AUTS2: variants seen among roughly 807,000 people sequenced by gnomAD.
AUTS2 encodes the protein autism susceptibility gene 2 protein.
In AUTS2, 17 loss-of-function variants were observed where a neutral mutation model predicts 112.4. That is an observed-to-expected ratio of 0.15 (90% CI 0.10 to 0.23). The LOEUF (loss-of-function observed/expected upper bound fraction) is 0.23, where lower values mean the gene tolerates loss of function less well. AUTS2 is among the 10% of genes least tolerant of loss of function. The pLI, the probability that AUTS2 is intolerant of heterozygous loss-of-function variation, is 1.00. For synonymous variants in AUTS2, 751 were observed against 702.7 expected, an observed-to-expected ratio of 1.07 and a Z score of -1.09; for missense variants, 1,510 against 1,701.6, an observed-to-expected ratio of 0.89 and a Z score of 1.98.
chr7:70,563,616 C>T (rs1199489997), intron 5 of AUTS2, among the ~76,000 whole-genome samples: 5 of 152,100 alleles, frequency 3.3e-5, no homozygotes, highest in South Asian at 4.2e-4. Flanking sequence ...CCTCACTTCC[C>T]GGAGATGGCG....
intron 4 of AUTS2, among the ~76,000 whole-genome samples, chr7:70,301,157 C>G (rs7792775): frequency 2.0e-5 from 3 of 151,886 alleles, no homozygotes. Context: ...ATTTTATTTG[C>G]GTGCATAGTG....
intron 6 of AUTS2, among the ~76,000 whole-genome samples, chr7:70,743,023 C>G (rs886910290): frequency 2.0e-5 from 3 of 152,088 alleles, no homozygotes; most frequent in Non-Finnish European, 4.4e-5. Context: ...TGTTGCCTTG[C>G]AAAATTGTAT....
At chr7:70,507,947 A>G (rs1261235182) in intron 5 of AUTS2, among the ~76,000 whole-genome samples, 1 of 152,232 alleles carries the variant, frequency 6.6e-6, no homozygotes, top group Non-Finnish European at 1.5e-5. Flanking sequence ...AAAATATTCC[A>G]AAGACTTAAT....
intron 2 of AUTS2, among the ~76,000 whole-genome samples, chr7:70,009,645 C>T (rs1329746603): frequency 6.6e-6 from 1 of 152,136 alleles, no homozygotes; most frequent in Admixed American, 6.5e-5. Flanking sequence ...AATGATGTTT[C>T]CTTATTTTTG....
intron 6 of AUTS2, among the ~76,000 whole-genome samples, chr7:70,755,648 C>T (rs1013300850): frequency 6.6e-5 from 10 of 151,614 alleles, no homozygotes; most frequent in South Asian, 2.1e-4. Flanking sequence ...CCACCCTGGG[C>T]GACAGAGTGA....
intron 1 of AUTS2, among the ~76,000 whole-genome samples, chr7:69,697,027 G>C (rs1797591111): frequency 6.6e-6 from 1 of 152,190 alleles, no homozygotes; most frequent in Non-Finnish European, 1.5e-5. Flanking sequence ...GTATGTGTAT[G>C]CACAGAAACT....
In AUTS2 at chr7:69,646,451, G is replaced by C. The variant is rs923917132; in HGVS notation, c.309+46489G>C. On this transcript the variant is annotated intron_variant, in intron 1 of 18. Coordinates refer to ENST00000342771, the MANE Select transcript of AUTS2 (RefSeq NM_015570.4). ...ATTTTAAAGTTTGCTAAGTATGTCT[G>C]TGTGGATTATAGTCAGACACTTAAA... Among the ~76,000 whole-genome samples the C allele has an allele frequency of 2.0e-5, 3 of 152,188 alleles. No individual in the cohort carries two copies. In the East Asian group the frequency reaches 5.8e-4, roughly 29 times the overall value.
intron 5 of AUTS2, among the ~76,000 whole-genome samples, chr7:70,630,676 C>T (rs1805211892): frequency 6.6e-6 from 1 of 152,212 alleles, no homozygotes; most frequent in South Asian, 2.1e-4. Context: ...GGTGGGGAAT[C>T]ATTGTTCTCG....
intron 2 of AUTS2, among the ~76,000 whole-genome samples, chr7:69,916,512 T>G (rs564219562): frequency 1.7e-4 from 26 of 152,152 alleles, no homozygotes; most frequent in Non-Finnish European, 1.3e-4. Context: ...CTTATCAGAG[T>G]TTTGCTGCCT....
chr7:70,790,537 C>A lies in AUTS2; in HGVS notation c.3321C>A (p.Pro1107=). Residue 1107 remains proline, a synonymous_variant, in exon 19 of 19, where the codon CCC becomes CCA. Transcript: ENST00000342771. The surrounding 1 kb of genome is among the most constrained non-coding windows in gnomAD (Gnocchi z 7.6). ...RNDPLHRLST[P]RLYEADRSFR... is the part of the protein sequence containing the mutation. ...ACCCGCTCCACCGGCTCTCGACTCC[C>A]CGGCTGTACGAAGCCGACCGCTCCT... The A allele has an allele frequency of 5.6e-6, 9 of 1,607,826 alleles. No homozygotes were observed. Among genetic ancestry groups the A allele is most frequent in the Non-Finnish European group, 7.6e-6 (9 of 1,177,576 alleles).
At chr7:70,495,931 G>C (rs1585215772) in intron 5 of AUTS2, among the ~76,000 whole-genome samples, 1 of 92,832 alleles carries the variant, frequency 1.1e-5, no homozygotes. Context: ...CACGTACACA[G>C]TCACACACAC....
chr7:70,247,330 G>A (rs1165421311), intron 4 of AUTS2, among the ~76,000 whole-genome samples: 2 of 152,090 alleles, frequency 1.3e-5, no homozygotes, highest in Non-Finnish European at 2.9e-5. Context: ...CATAGAGACA[G>A]AAAGTAGAAT....
chr7:70,183,847 T>G (rs1221762333), intron 4 of AUTS2, among the ~76,000 whole-genome samples: 7 of 151,828 alleles, frequency 4.6e-5, no homozygotes. Flanking sequence ...TTTTTTTTTT[T>G]TTGTTGCCCC....
intron 1 of AUTS2, among the ~76,000 whole-genome samples, chr7:69,794,752 TG>T (rs1789765101): frequency 6.6e-6 from 1 of 152,036 alleles, no homozygotes; most frequent in African/African-American, 2.4e-5. Flanking sequence ...CCTGTGCAAC[TG>T]AGGGGACGGT....
intron 2 of AUTS2, among the ~76,000 whole-genome samples, chr7:70,110,489 T>C (rs1361940431): frequency 2.0e-5 from 3 of 152,136 alleles, no homozygotes; most frequent in Non-Finnish European, 2.9e-5. Context: ...GGACTCCAGC[T>C]TGGGCACCAA....
intron 2 of AUTS2, among the ~76,000 whole-genome samples, chr7:70,078,292 C>A (rs1279464535): frequency 1.3e-5 from 2 of 152,122 alleles, no homozygotes. Flanking sequence ...ATACACCATG[C>A]TGGACAAAGA....
chr7:69,987,609 G>C (rs546885767), intron 2 of AUTS2, among the ~76,000 whole-genome samples: 75 of 152,150 alleles, frequency 4.9e-4, no homozygotes, highest in Non-Finnish European at 5.9e-5. Context: ...GGGACTACAG[G>C]TGTGCGCCAC....
intron 1 of AUTS2, among the ~76,000 whole-genome samples, chr7:69,713,006 A>G (rs745448704): frequency 5.9e-5 from 9 of 152,092 alleles, no homozygotes; most frequent in Non-Finnish European, 1.3e-4. Flanking sequence ...TTTGCTGTCC[A>G]TATATCTTCT....
At chr7:69,824,705 G>C (rs1202409470) in intron 1 of AUTS2, 1 of 152,134 alleles carries the variant, frequency 6.6e-6, no homozygotes, top group Non-Finnish European at 1.5e-5. Flanking sequence ...CATGGAAACA[G>C]AGCAATCAGA....
Sources: gnomAD v4.1 joint callset for allele counts (sites outside exome capture counted in the v4.1 genomes callset) on GRCh38, gnomAD v4.1.1 for gene constraint, Gnocchi (gnomAD v3.1) non-coding constraint, MANE v1.5 for transcripts, NCBI Gene and HGNC (gene_info 2026-07-23, HGNC 2026-07-21) for gene names.